ZMIZ1: variants seen among roughly 807,000 people sequenced by gnomAD.
ZMIZ1 encodes zinc finger MIZ domain-containing protein 1.
A neutral mutation model predicts 113.9 loss-of-function variants in ZMIZ1; 17 were observed. The observed-to-expected ratio is 0.15, with a 90% confidence interval of 0.10 to 0.22. ZMIZ1 has a LOEUF of 0.22. ZMIZ1 is among the 10% of genes least tolerant of loss of function. The pLI, the probability that ZMIZ1 is intolerant of heterozygous loss-of-function variation, is 1.00. For synonymous variants in ZMIZ1, 607 were observed against 603.1 expected (o/e 1.01, Z -0.09); for missense variants, 1,059 against 1,477.8 (o/e 0.72, Z 4.65).
At chr10:79,134,215 G>A (rs564569548) in intron 2 of ZMIZ1, among the ~76,000 whole-genome samples, 202 of 152,290 alleles carry the variant, frequency 1.3e-3, no homozygotes, top group African/African-American at 4.8e-3. Flanking sequence ...CGGGGTAGGG[G>A]GAAGGTGCTG....
At chr10:79,232,200 T>A (rs1424624395) in intron 7 of ZMIZ1, among the ~76,000 whole-genome samples, 1 of 152,158 alleles carries the variant, frequency 6.6e-6, no homozygotes, top group African/African-American at 2.4e-5. Flanking sequence ...AATGGGAGGA[T>A]ATAAGGGAAA....
intron 4 of ZMIZ1, among the ~76,000 whole-genome samples, chr10:79,167,514 G>A (rs1564694094): frequency 1.3e-5 from 2 of 152,178 alleles, no homozygotes; most frequent in Non-Finnish European, 2.9e-5. Context: ...CCGAGGCACA[G>A]GGCACTTGTC....
At chr10:79,087,268 T>TG (rs1842848016) in intron 1 of ZMIZ1, among the ~76,000 whole-genome samples, 1 of 152,250 alleles carries the variant, frequency 6.6e-6, no homozygotes, top group Non-Finnish European at 1.5e-5. Flanking sequence ...GGTAAAGTGT[T>TG]GGAGGAAGGG....
At chr10:79,288,426 G>A (rs951844670) in intron 8 of ZMIZ1, among the ~76,000 whole-genome samples, 1 of 152,206 alleles carries the variant, frequency 6.6e-6, no homozygotes, top group African/African-American at 2.4e-5. Flanking sequence ...GCCATTTGCT[G>A]TCTCCTGTGA....
At chr10:79,198,670 A>G (rs896711242) in intron 4 of ZMIZ1, among the ~76,000 whole-genome samples, 9 of 152,230 alleles carry the variant, frequency 5.9e-5, no homozygotes, top group African/African-American at 1.4e-4. Flanking sequence ...TTCTGAGCCT[A>G]TGTTCTCTAG....
At chr10:79,120,675 T>G (rs992367541) in intron 2 of ZMIZ1, among the ~76,000 whole-genome samples, 3 of 150,018 alleles carry the variant, frequency 2.0e-5, no homozygotes, top group Non-Finnish European at 4.5e-5. Context: ...CTGTGTAGAT[T>G]GCCGAGAGCA....
At chr10:79,169,180 G>A (rs1007516344) in intron 4 of ZMIZ1, among the ~76,000 whole-genome samples, 1 of 152,166 alleles carries the variant, frequency 6.6e-6, no homozygotes, top group African/African-American at 2.4e-5. Context: ...GGCATGAGAC[G>A]GCCCTCGCCC....
intron 1 of ZMIZ1, among the ~76,000 whole-genome samples, chr10:79,087,084 C>T (rs1319675459): frequency 2.6e-5 from 4 of 152,276 alleles, no homozygotes; most frequent in South Asian, 2.1e-4. Flanking sequence ...TTCCTACCTG[C>T]CTTAACCCCA....
At chr10:79,201,443 G>A (rs975931664) in intron 4 of ZMIZ1, 141 bp from the exon 5 acceptor site, 1 of 649,776 alleles carries the variant, frequency 1.5e-6, no homozygotes, top group East Asian at 2.6e-5. Flanking sequence ...CAGCCCAGTG[G>A]GGTACCCCAG....
intron 3 of ZMIZ1, among the ~76,000 whole-genome samples, chr10:79,157,397 GT>G (rs1845943218): frequency 6.6e-6 from 1 of 151,394 alleles, no homozygotes; most frequent in Non-Finnish European, 1.5e-5. Flanking sequence ...GTGTGTGTGT[GT>G]GTGTGGTCAG....
chr10:79,136,014 A>C (rs1844992899), intron 2 of ZMIZ1, among the ~76,000 whole-genome samples: 2 of 152,104 alleles, frequency 1.3e-5, no homozygotes, highest in Non-Finnish European at 2.9e-5. Context: ...ATGGAAAACA[A>C]AGAGAGAAAA....
chr10:79,261,379 T>C (rs1851258255), intron 7 of ZMIZ1, among the ~76,000 whole-genome samples: 1 of 152,244 alleles, frequency 6.6e-6, no homozygotes, highest in South Asian at 2.1e-4. Context: ...AGCTGTTTTC[T>C]GCAGGGAGAG....
chr10:79,147,600 C>T (rs766060947), intron 3 of ZMIZ1, among the ~76,000 whole-genome samples: 1 of 152,216 alleles, frequency 6.6e-6, no homozygotes, highest in Non-Finnish European at 1.5e-5. Context: ...ACCCTCGCCT[C>T]TGTGACATAT....
Position 79,298,414 on chromosome 10 carries a change from G to A in ZMIZ1, c.1500G>A (p.Arg500=), listed in dbSNP as rs751096932. The change falls in exon 15 of 25, where the codon AGG becomes AGA. Residue 500 remains arginine (R), a synonymous_variant. Transcript: ENST00000334512. ...CTTTTCTTTCCCTCCAGCCTCCCAG[G>A]CCGGTTCCTGTGGCAAATTACCCCC... The part of the protein sequence containing the change: ...YSQGNVNRPP[R]PVPVANYPHS... 6.2e-7 allele frequency: 1 copy of A among 1,608,372 alleles called. No homozygotes were observed. The highest frequency in any genetic ancestry group is 1.7e-5 in the Admixed American group (1 of 59,148).
chr10:79,133,978 ATTTG>A (rs1844883820), intron 2 of ZMIZ1, among the ~76,000 whole-genome samples: 1 of 152,160 alleles, frequency 6.6e-6, no homozygotes, highest in South Asian at 2.1e-4. Context: ...TAAATACTAT[ATTTG>A]TTCTATGTAA....
At chr10:79,122,454 C>T (rs1318560358) in intron 2 of ZMIZ1, among the ~76,000 whole-genome samples, 2 of 152,254 alleles carry the variant, frequency 1.3e-5, no homozygotes, top group Admixed American at 1.3e-4. Flanking sequence ...CCTGGCTGGG[C>T]AGTGGAGGGT....
chr10:79,216,426 C>A, intron 7 of ZMIZ1, 152 bp downstream of exon 7: 2 of 594,788 alleles, frequency 3.4e-6, no homozygotes, highest in Non-Finnish European at 5.6e-6. Flanking sequence ...ATCCACCAGG[C>A]TCTGGGACCC....
At chr10:79,236,149 A>G (rs1849578950) in intron 7 of ZMIZ1, among the ~76,000 whole-genome samples, 1 of 152,206 alleles carries the variant, frequency 6.6e-6, no homozygotes, top group Non-Finnish European at 1.5e-5. Context: ...GACACCTGGT[A>G]TAGTAGCCCT....
chr10:79,244,243 G>A (rs975521260), intron 7 of ZMIZ1, among the ~76,000 whole-genome samples: 16 of 152,324 alleles, frequency 1.1e-4, no homozygotes, highest in Middle Eastern at 3.4e-3. Flanking sequence ...GGTGGGTGCC[G>A]AATAGACTTC....
Sources: gnomAD v4.1 joint callset for allele counts (sites outside exome capture counted in the v4.1 genomes callset) on GRCh38, gnomAD v4.1.1 for gene constraint, MANE v1.5 for transcripts, NCBI Gene and HGNC (gene_info 2026-07-23, HGNC 2026-07-21) for gene names.